Variants in MYO1D observed in about 807,000 individuals in gnomAD.
MYO1D encodes unconventional myosin-Id.
A neutral mutation model predicts 122.0 loss-of-function variants in MYO1D; 83 were observed. That is an observed-to-expected ratio of 0.68 (90% CI 0.57 to 0.82). The LOEUF is 0.82. Ranked by LOEUF, MYO1D falls within the 40% of genes least tolerant of loss-of-function variation. The pLI is 0.00. For missense variants in MYO1D, 1,157 were observed against 1,269.5 expected (o/e 0.91, Z 1.35); for synonymous variants, 464 against 446.9 (o/e 1.04, Z -0.48).
rs1237439965 is a variant in MYO1D at position 32,641,860 on chromosome 17, A to T, written c.2596-3025T>A. 8.6e-5 allele frequency among the ~76,000 whole-genome samples: 13 copies of T among 151,608 alleles called. 1 individual carries two copies. The highest frequency in any genetic ancestry group is 1.5e-4 in the Non-Finnish European group (10 of 67,920). ...TTTGTCAGATGAGTAGATTGCAAAAATTTTCTCCCATTCTGTAGGTTGCCT... is the reference window on the plus strand; with the variant it reads ...TTTGTCAGATGAGTAGATTGCAAAATTTTTCTCCCATTCTGTAGGTTGCCT... On this transcript the variant is annotated intron_variant, in intron 19 of 21. Coordinates refer to ENST00000318217, the MANE Select transcript of MYO1D (RefSeq NM_015194.3).
chr17:32,765,209 T>C, intron 7 of MYO1D, 128 bp from the exon 8 acceptor site: 1 of 700,598 alleles, frequency 1.4e-6, no homozygotes, highest in Non-Finnish European at 2.4e-6. Flanking sequence ...CATCTCAACA[T>C]ATAAAAACAG....
At chr17:32,499,154 A>C (rs538027439) in intron 21 of MYO1D, 1 of 152,042 alleles carries the variant, frequency 6.6e-6, no homozygotes, top group African/African-American at 2.4e-5. Flanking sequence ...GTGCCGCTGC[A>C]CTCCAGCCTG....
intron 20 of MYO1D, among the ~76,000 whole-genome samples, chr17:32,620,489 C>T (rs546227815): frequency 2.3e-4 from 35 of 152,102 alleles, no homozygotes; most frequent in African/African-American, 8.0e-4. Context: ...TTCTGGATGG[C>T]GGGCTTCTCC....
At chr17:32,821,541 T>TACACAC (rs34745639) in intron 1 of MYO1D, among the ~76,000 whole-genome samples, 18 of 131,090 alleles carry the variant, frequency 1.4e-4, no homozygotes, top group Non-Finnish European at 2.7e-4. Context: ...AAATCACACA[T>TACACAC]ACACACACAC....
intron 4 of MYO1D, among the ~76,000 whole-genome samples, chr17:32,773,128 C>G (rs559374681): frequency 5.4e-4 from 83 of 152,350 alleles, no homozygotes; most frequent in African/African-American, 1.8e-3. Context: ...GACCTCAAGT[C>G]CTCAGACCAA....
At chr17:32,663,939 T>C (rs1038922752) in intron 16 of MYO1D, among the ~76,000 whole-genome samples, 1 of 152,214 alleles carries the variant, frequency 6.6e-6, no homozygotes, top group African/African-American at 2.4e-5. Flanking sequence ...CTTCTCAAAG[T>C]TGATGGTATG....
In MYO1D at chr17:32,876,946, G is replaced by C; in HGVS notation, c.-74C>G. The C allele has an allele frequency of 1.4e-5, 13 of 931,774 alleles. No homozygotes were observed. The South Asian group carries it at 2.2e-4, about 16-fold the overall frequency. The allele number at this position is 931,774 out of a possible 1,614,324, so 57.7% of individuals were successfully genotyped here. A position where few individuals can be genotyped will look rare whatever the true frequency, so the allele number is the denominator to read the frequency against. The stretch of plus-strand genomic sequence containing the variant: ...CTCCGTGGGCCCGCGATGAGCTCGG[G>C]AGGGGCCGGGGCGAGGCCGCGCCGC... On this transcript the variant is annotated 5_prime_UTR_variant, in exon 1 of 22. Transcript: ENST00000318217.
At chr17:32,709,011 T>A (rs1027279706) in intron 16 of MYO1D, among the ~76,000 whole-genome samples, 2 of 152,204 alleles carry the variant, frequency 1.3e-5, no homozygotes, top group Non-Finnish European at 2.9e-5. Context: ...GAATTACATC[T>A]TTTTATATAT....
chr17:32,556,352 C>T (rs1480560354), intron 21 of MYO1D, among the ~76,000 whole-genome samples: 3 of 152,092 alleles, frequency 2.0e-5, no homozygotes, highest in Non-Finnish European at 4.4e-5. Context: ...AAGGCCTGGC[C>T]CACTGCAGGT....
chr17:32,850,648 T>A (rs573838076), intron 1 of MYO1D, among the ~76,000 whole-genome samples: 1 of 152,352 alleles, frequency 6.6e-6, no homozygotes, highest in South Asian at 2.1e-4. Flanking sequence ...AATAACACAG[T>A]AGAGTAATGC....
chr17:32,559,238 C>T (rs2087096605), intron 21 of MYO1D, among the ~76,000 whole-genome samples: 1 of 152,308 alleles, frequency 6.6e-6, no homozygotes, highest in Non-Finnish European at 1.5e-5. Context: ...ATAGGGATCT[C>T]AACTGTTTTC....
intron 1 of MYO1D, among the ~76,000 whole-genome samples, chr17:32,831,029 C>G (rs557243169): frequency 9.2e-5 from 14 of 152,260 alleles, no homozygotes; most frequent in African/African-American, 3.4e-4. Flanking sequence ...GCACTCCAGC[C>G]TGGGGGACAG....
At chr17:32,525,428 C>T (rs1237452064) in intron 21 of MYO1D, among the ~76,000 whole-genome samples, 2 of 151,450 alleles carry the variant, frequency 1.3e-5, no homozygotes, top group African/African-American at 2.4e-5. Flanking sequence ...CATTTCTTAT[C>T]AAGTGATTTC....
chr17:32,855,474 G>A (rs2091020591), intron 1 of MYO1D, among the ~76,000 whole-genome samples: 1 of 152,210 alleles, frequency 6.6e-6, no homozygotes, highest in Non-Finnish European at 1.5e-5. Flanking sequence ...TTATGATTGT[G>A]AGATTAATTC....
intron 21 of MYO1D, among the ~76,000 whole-genome samples, chr17:32,589,632 C>T (rs76550026): frequency 0.16 from 24,792 of 152,160 alleles, 2,134 homozygotes; most frequent in Middle Eastern, 0.25. Flanking sequence ...TTAACATTTC[C>T]GTCATTCACA....
intron 14 of MYO1D, among the ~76,000 whole-genome samples, chr17:32,736,056 C>T (rs2089697277): frequency 1.3e-5 from 2 of 151,396 alleles, no homozygotes; most frequent in South Asian, 4.2e-4. Context: ...GTTCTAAATG[C>T]AACTCTTTTT....
intron 21 of MYO1D, among the ~76,000 whole-genome samples, chr17:32,600,990 C>T (rs1225743069): frequency 6.8e-6 from 1 of 147,062 alleles, no homozygotes; most frequent in Non-Finnish European, 1.5e-5. Flanking sequence ...CTTGTTCTGT[C>T]ACCCAGGTTG....
At chr17:32,641,245 T>C (rs2088195860) in intron 19 of MYO1D, among the ~76,000 whole-genome samples, 1 of 93,502 alleles carries the variant, frequency 1.1e-5, no homozygotes, top group Admixed American at 1.0e-4. Flanking sequence ...TTCATCCATG[T>C]CCCTACAAAG....
chr17:32,539,875 T>A (rs1204194612), intron 21 of MYO1D, among the ~76,000 whole-genome samples: 2 of 152,204 alleles, frequency 1.3e-5, no homozygotes, highest in South Asian at 2.1e-4. Flanking sequence ...AAGTTTTAGG[T>A]CATTCTACAA....
Sources: allele counts gnomAD v4.1 joint callset (sites outside exome capture counted in the v4.1 genomes callset), GRCh38; gene constraint gnomAD v4.1.1; transcripts MANE v1.5; gene names NCBI Gene and HGNC (gene_info 2026-07-23, HGNC 2026-07-21).